Variants in DNAH11 observed in about 807,000 individuals in gnomAD.
DNAH11 encodes dynein axonemal heavy chain 11, also known as axonemal beta dynein heavy chain 11.
In DNAH11, 442 loss-of-function variants were observed where a neutral mutation model predicts 526.0. That is an observed-to-expected ratio of 0.84 (90% CI 0.78 to 0.91). The LOEUF (loss-of-function observed/expected upper bound fraction) is 0.91, where lower values mean the gene tolerates loss of function less well. DNAH11 is among the 40% of genes least tolerant of loss of function. The pLI, the probability that DNAH11 is intolerant of heterozygous loss-of-function variation, is 0.00. For missense variants in DNAH11, 6,989 were observed against 5,448.7 expected (o/e 1.28, Z -8.90); for synonymous variants, 2,461 against 1,935.9 (o/e 1.27, Z -7.12).
intron 66 of DNAH11, among the ~76,000 whole-genome samples, chr7:21,850,071 C>A (rs923463983): frequency 6.6e-6 from 1 of 150,922 alleles, no homozygotes; most frequent in African/African-American, 2.4e-5. Flanking sequence ...CAAAAACATT[C>A]TTCAGCCGGG....
At chr7:21,603,021 C>T (rs886125319) in intron 18 of DNAH11, among the ~76,000 whole-genome samples, 2 of 152,170 alleles carry the variant, frequency 1.3e-5, no homozygotes, top group Non-Finnish European at 2.9e-5. Flanking sequence ...ACTTCTCTGT[C>T]TCTCCCCATT....
intron 66 of DNAH11, among the ~76,000 whole-genome samples, chr7:21,850,482 G>C (rs912629674): frequency 2.0e-5 from 3 of 151,476 alleles, no homozygotes; most frequent in African/African-American, 7.3e-5. Flanking sequence ...ATGTGGTCTT[G>C]CATGGTGTTC....
chr7:21,767,335 T>G (rs1787224052), intron 55 of DNAH11, among the ~76,000 whole-genome samples: 1 of 152,200 alleles, frequency 6.6e-6, no homozygotes, highest in Non-Finnish European at 1.5e-5. Context: ...ATGGTTTAAG[T>G]TGGCATGTGG....
At chr7:21,676,503 T>G (rs1782894222) in intron 30 of DNAH11, among the ~76,000 whole-genome samples, 2 of 152,210 alleles carry the variant, frequency 1.3e-5, no homozygotes. Context: ...CAGAATTTTA[T>G]TACTTACAAA....
At chr7:21,634,038 T>C (rs1489984005) in intron 25 of DNAH11, among the ~76,000 whole-genome samples, 1 of 152,220 alleles carries the variant, frequency 6.6e-6, no homozygotes, top group Non-Finnish European at 1.5e-5. Context: ...TGTTAACATC[T>C]CTTCAGACAT....
chr7:21,593,979 TCA>T (rs1228184502), intron 14 of DNAH11, among the ~76,000 whole-genome samples: 3 of 150,440 alleles, frequency 2.0e-5, no homozygotes, highest in Non-Finnish European at 3.0e-5. Context: ...TCACATACTC[TCA>T]CACACAGTCT....
At chr7:21,624,975 A>C (rs1050253011) in intron 25 of DNAH11, among the ~76,000 whole-genome samples, 5 of 151,966 alleles carry the variant, frequency 3.3e-5, no homozygotes, top group Non-Finnish European at 7.4e-5. Context: ...TATGTTCATC[A>C]GGGATATTGG....
At chr7:21,787,377 G>T in intron 59 of DNAH11, 24 bp from the exon 60 acceptor site, 2 of 1,585,418 alleles carry the variant, frequency 1.3e-6, no homozygotes, top group Non-Finnish European at 8.6e-7. Flanking sequence ...TGGGTTCATT[G>T]CAATAAATCT....
Position 21,894,622 on chromosome 7 carries a change from G to T in DNAH11, c.12751-1G>T. 6.2e-7 allele frequency: 1 copy of T among 1,613,288 alleles called. No homozygotes were observed. ...CTAAATCTTTGTGTTACTGATTTAA[G>T]GTTAAGAATGTCTTGGATGACATTT... is the stretch of plus-strand genomic sequence containing the variant. On this transcript the variant is annotated splice_acceptor_variant, in intron 77 of 81. Coordinates refer to ENST00000409508, the MANE Select transcript of DNAH11 (RefSeq NM_001277115.2). LOFTEE classifies it high-confidence loss of function.
intron 42 of DNAH11, among the ~76,000 whole-genome samples, chr7:21,716,464 G>A (rs1232815581): frequency 2.6e-5 from 4 of 152,206 alleles, no homozygotes; most frequent in African/African-American, 7.2e-5. Context: ...TTGAGGCACA[G>A]AGAGGTTAAG....
chr7:21,901,065 A>G lies in DNAH11; in HGVS notation c.13362A>G (p.Ala4454=). The stretch of plus-strand genomic sequence containing the variant: ...TTGAAGCCCGTCTCAAGGAGCTGGC[A>G]TGCCCTATGCCGGTCATCTTTGCAA... The part of the protein sequence containing the change: ...TIVEARLKEL[A]CPMPVIFAKA... Residue 4454 remains alanine (A), a synonymous_variant, in exon 82 of 82, where the codon GCA becomes GCG. Transcript: ENST00000409508. 1 of 1,613,894 alleles carries G rather than the reference A, an allele frequency of 6.2e-7. No individual in the cohort carries two copies. Among genetic ancestry groups the G allele is most frequent in the Non-Finnish European group, 8.5e-7 (1 of 1,179,800 alleles).
rs1372282045 is a variant in DNAH11, at chr7:21,901,417, A to C, written c.*163A>C. 1 of 1,053,226 alleles carries C rather than the reference A, an allele frequency of 9.5e-7. No individual in the cohort carries two copies. The highest frequency in any genetic ancestry group is 1.3e-6 in the Non-Finnish European group (1 of 792,010). 65.2% of individuals were successfully genotyped at this position (1,053,226 alleles called of 1,614,324 possible). On this transcript the variant is annotated 3_prime_UTR_variant, in exon 82 of 82. Coordinates refer to ENST00000409508, the MANE Select transcript of DNAH11 (RefSeq NM_001277115.2). ...GTGAAAGTCAGAAAAAAATACTAGA[A>C]ACTAACTCAGGGCTGAGCGTGGTGG...
chr7:21,613,315 TAAA>T (rs904254977), intron 20 of DNAH11, among the ~76,000 whole-genome samples: 6 of 150,314 alleles, frequency 4.0e-5, no homozygotes, highest in African/African-American at 1.2e-4. Flanking sequence ...GATTATTAAA[TAAA>T]AAGGTAGGTT....
chr7:21,831,096 G>A (rs1179348183), intron 65 of DNAH11, among the ~76,000 whole-genome samples: 1 of 152,152 alleles, frequency 6.6e-6, no homozygotes, highest in East Asian at 1.9e-4. Flanking sequence ...TGTTCCTGTG[G>A]GGAGTGGAGC....
rs553371197 is a variant in DNAH11, at chr7:21,899,607, C to G, written c.13162+159C>G. Among the ~76,000 whole-genome samples the G allele has an allele frequency of 4.1e-4, 63 of 152,302 alleles. 1 individual carries two copies. In the South Asian group the frequency reaches 0.013, roughly 31 times the overall value. ...CCAGCAGCTATAGAGGAAACAGAGT[C>G]CTGGGCAGGCGAGTAGCAGCAGGAG... is the stretch of plus-strand genomic sequence containing the variant. On this transcript the variant is annotated intron_variant, in intron 80 of 81. Transcript: ENST00000409508.
At position 21,748,837 on chromosome 7, in the gene DNAH11, T is replaced by G; in HGVS notation, c.8673+95T>G. Reference sequence around the variant, plus strand: ...CCCGTGTGGGCTGTGACTCCCAGATTTGGCCAAGGCCTCCCCAACCACGGG... The same window carrying G: ...CCCGTGTGGGCTGTGACTCCCAGATGTGGCCAAGGCCTCCCCAACCACGGG... On this transcript the variant is annotated intron_variant, in intron 52 of 81. Coordinates refer to ENST00000409508, the MANE Select transcript of DNAH11 (RefSeq NM_001277115.2). 2.2e-6 allele frequency: 3 copies of G among 1,352,756 alleles called. No homozygotes were observed. In the African/African-American group the frequency reaches 4.4e-5, roughly 20 times the overall value. The allele number at this position is 1,352,756 out of a possible 1,614,324, so 83.8% of individuals were successfully genotyped here.
intron 6 of DNAH11, among the ~76,000 whole-genome samples, chr7:21,569,601 A>C (rs923430396): frequency 6.6e-6 from 1 of 152,228 alleles, no homozygotes; most frequent in East Asian, 1.9e-4. Context: ...CTAACTTGAA[A>C]GAATTTCCAC....
At chr7:21,595,901 G>A (rs1348440507) in intron 14 of DNAH11, among the ~76,000 whole-genome samples, 1 of 152,142 alleles carries the variant, frequency 6.6e-6, no homozygotes, top group Non-Finnish European at 1.5e-5. Context: ...ACCAGCCAAA[G>A]ATGCAGAAAA....
Position 21,867,840 on chromosome 7 carries a change from A to T in DNAH11, c.11691-19A>T, listed in dbSNP as rs4995598. The T allele has an allele frequency of 7.1e-6, 11 of 1,555,206 alleles. No homozygotes were observed. The highest frequency in any genetic ancestry group is 9.6e-6 in the Non-Finnish European group (11 of 1,148,530). On this transcript the variant is annotated intron_variant, in intron 71 of 81. Transcript: ENST00000409508. ...GGTCAAAACCACTGATCATGTTTTT[A>T]TATTCTTGTTTTTTATAGAAATTTT...
Sources: allele counts gnomAD v4.1 joint callset (sites outside exome capture counted in the v4.1 genomes callset), GRCh38; gene constraint gnomAD v4.1.1; transcripts MANE v1.5; gene names NCBI Gene and HGNC (gene_info 2026-07-23, HGNC 2026-07-21).